SNX29: variants seen among roughly 807,000 people sequenced by gnomAD.
SNX29 encodes sorting nexin-29.
A neutral mutation model predicts 102.1 loss-of-function variants in SNX29; 78 were observed. The observed-to-expected ratio is 0.76, with a 90% CI of 0.64 to 0.92. The LOEUF is 0.92. SNX29 is among the 40% of genes least tolerant of loss of function. The pLI, the probability that SNX29 is intolerant of heterozygous loss-of-function variation, is 0.00. For missense variants in SNX29, 1,280 were observed against 1,061.7 expected (o/e 1.21, Z -2.86); for synonymous variants, 580 against 414.5 (o/e 1.40, Z -4.85).
intron 11 of SNX29, among the ~76,000 whole-genome samples, chr16:12,114,568 T>C (rs1415716429): frequency 6.6e-6 from 1 of 151,656 alleles, no homozygotes; most frequent in Non-Finnish European, 1.5e-5. Context: ...GTATCGTCAT[T>C]CCTTTTTTTT....
intron 2 of SNX29, among the ~76,000 whole-genome samples, chr16:12,000,031 A>G (rs951891336): frequency 3.3e-5 from 5 of 151,628 alleles, no homozygotes; most frequent in Non-Finnish European, 7.3e-5. Flanking sequence ...GAGCACAAGA[A>G]GGCTAGGACA....
intron 14 of SNX29, among the ~76,000 whole-genome samples, chr16:12,256,385 C>T (rs2078573921): frequency 6.6e-6 from 1 of 152,108 alleles, no homozygotes; most frequent in African/African-American, 2.4e-5. Context: ...CTCATTCTGT[C>T]ATGCAGATCT....
chr16:12,136,567 G>A (rs1413992371), intron 13 of SNX29, among the ~76,000 whole-genome samples: 2 of 152,220 alleles, frequency 1.3e-5, no homozygotes, highest in Non-Finnish European at 2.9e-5. Context: ...TGACACCAGT[G>A]CACTCTCCAT....
intron 20 of SNX29, among the ~76,000 whole-genome samples, chr16:12,556,993 A>G (rs919618867): frequency 7.0e-6 from 1 of 142,876 alleles, no homozygotes; most frequent in East Asian, 2.1e-4. Flanking sequence ...GACAACAGGT[A>G]CACACCACAT....
intron 20 of SNX29, among the ~76,000 whole-genome samples, chr16:12,566,215 CT>C (rs1282829439): frequency 6.6e-6 from 1 of 152,234 alleles, no homozygotes; most frequent in African/African-American, 2.4e-5. Context: ...CTAGGATATG[CT>C]TATGGTTGTC....
chr16:12,550,737 T>TA (rs1441463617), intron 20 of SNX29, among the ~76,000 whole-genome samples: 1 of 152,032 alleles, frequency 6.6e-6, no homozygotes, highest in Non-Finnish European at 1.5e-5. Flanking sequence ...GTTGCCTATT[T>TA]AAAAAAGGTG....
intron 14 of SNX29, among the ~76,000 whole-genome samples, chr16:12,216,135 C>A (rs1651431776): frequency 6.6e-6 from 1 of 152,114 alleles, no homozygotes; most frequent in Non-Finnish European, 1.5e-5. Flanking sequence ...TTATTAAAAA[C>A]CCAAAATTAT....
At chr16:12,490,358 A>G (rs1164292571) in intron 19 of SNX29, among the ~76,000 whole-genome samples, 1 of 152,072 alleles carries the variant, frequency 6.6e-6, no homozygotes, top group East Asian at 1.9e-4. Flanking sequence ...AGCTTCCTCC[A>G]TGTTGTTGCA....
chr16:12,114,726 A>C (rs1171820902), intron 11 of SNX29, among the ~76,000 whole-genome samples: 1 of 152,000 alleles, frequency 6.6e-6, no homozygotes, highest in Non-Finnish European at 1.5e-5. Context: ...AGCTGGGATT[A>C]CAGGTGCCCC....
chr16:12,419,981 C>T (rs1003199165), intron 18 of SNX29, among the ~76,000 whole-genome samples: 1 of 152,176 alleles, frequency 6.6e-6, no homozygotes, highest in Non-Finnish European at 1.5e-5. Flanking sequence ...AGCTCAGGCT[C>T]GGCTTAGGGC....
chr16:12,118,552 G>A (rs1412555074), intron 11 of SNX29, among the ~76,000 whole-genome samples: 2 of 151,922 alleles, frequency 1.3e-5, no homozygotes, highest in South Asian at 2.1e-4. Flanking sequence ...CTGACCTGAC[G>A]TGATCCGCCC....
intron 18 of SNX29, among the ~76,000 whole-genome samples, chr16:12,436,977 G>T (rs541076059): frequency 6.6e-6 from 1 of 152,186 alleles, no homozygotes; most frequent in African/African-American, 2.4e-5. Flanking sequence ...TGAACTTGAG[G>T]TATCGCTAGG....
chr16:12,553,575 G>A (rs2078128632), intron 20 of SNX29, among the ~76,000 whole-genome samples: 1 of 146,884 alleles, frequency 6.8e-6, no homozygotes, highest in Non-Finnish European at 1.5e-5. Flanking sequence ...TGTGGGCTCT[G>A]AGGATGCTTT....
At chr16:12,205,610 G>A (rs2077026262) in intron 14 of SNX29, among the ~76,000 whole-genome samples, 1 of 152,148 alleles carries the variant, frequency 6.6e-6, no homozygotes, top group Non-Finnish European at 1.5e-5. Flanking sequence ...CTCTTCCCTG[G>A]TCTCTGTGTG....
chr16:12,303,994 C>A (rs1264771712), intron 15 of SNX29, among the ~76,000 whole-genome samples: 2 of 152,134 alleles, frequency 1.3e-5, no homozygotes, highest in Non-Finnish European at 2.9e-5. Flanking sequence ...GGGGATACAG[C>A]CTGTTGAAAA....
intron 15 of SNX29, among the ~76,000 whole-genome samples, chr16:12,292,055 TG>T (rs2079815375): frequency 1.3e-5 from 2 of 152,102 alleles, no homozygotes; most frequent in Non-Finnish European, 2.9e-5. Flanking sequence ...GATCTGCTGG[TG>T]GAGGGGTTGT....
intron 20 of SNX29, among the ~76,000 whole-genome samples, chr16:12,537,726 G>A (rs2077139303): frequency 6.6e-6 from 1 of 152,096 alleles, no homozygotes; most frequent in Non-Finnish European, 1.5e-5. Flanking sequence ...AGCAGAGTAG[G>A]TATTTTTGGC....
intron 14 of SNX29, among the ~76,000 whole-genome samples, chr16:12,218,773 T>C (rs1359916031): frequency 1.3e-5 from 2 of 152,254 alleles, no homozygotes; most frequent in East Asian, 3.9e-4. Context: ...TTTTTATTTA[T>C]TATATATTAT....
chr16:12,539,755 G>C (rs867710620), intron 20 of SNX29, among the ~76,000 whole-genome samples: 16 of 152,148 alleles, frequency 1.1e-4, no homozygotes, highest in African/African-American at 3.6e-4. Context: ...TTTCATCATG[G>C]TCTTAATTTG....
Sources: gnomAD v4.1 joint callset for allele counts (sites outside exome capture counted in the v4.1 genomes callset) on GRCh38, gnomAD v4.1.1 for gene constraint, MANE v1.5 for transcripts, NCBI Gene and HGNC (gene_info 2026-07-23, HGNC 2026-07-21) for gene names.